Variants in TENT2 observed in about 807,000 individuals in gnomAD.
TENT2 encodes the protein terminal nucleotidyltransferase 2.
In TENT2, 44 loss-of-function variants were observed where a neutral mutation model predicts 72.2. That is an observed-to-expected ratio of 0.61 (90% CI 0.48 to 0.78). The LOEUF is 0.78. TENT2 is among the 30% of genes least tolerant of loss of function. The pLI is 0.00. For synonymous variants in TENT2, 212 were observed against 192.5 expected (o/e 1.10, Z -0.84); for missense variants, 541 against 569.6 (o/e 0.95, Z 0.51).
Position 79,656,194 on chromosome 5 carries a change from T to A in TENT2, c.1028-764T>A, listed in dbSNP as rs182545504. ...TATTGTGAATGTTAGGCACTTTACC[T>A]TTTTATATTGTTCTTTTCATATTAA... On this transcript the variant is annotated intron_variant, in intron 10 of 14. Transcript: ENST00000453514. Among the ~76,000 whole-genome samples the A allele has an allele frequency of 9.9e-5, 15 of 151,802 alleles. No homozygotes were observed. The East Asian group carries it at 2.5e-3, about 25-fold the overall frequency.
intron 11 of TENT2, among the ~76,000 whole-genome samples, chr5:79,659,840 A>G (rs2150387090): frequency 6.6e-6 from 1 of 151,464 alleles, no homozygotes; most frequent in Admixed American, 6.6e-5. Context: ...TCTGTTGCTT[A>G]TTACATTTTA....
chr5:79,652,382 A>G (rs1236926607), intron 10 of TENT2, among the ~76,000 whole-genome samples: 1 of 152,020 alleles, frequency 6.6e-6, no homozygotes, highest in Admixed American at 6.6e-5. Flanking sequence ...AAAGATAATA[A>G]CTGTGTATAT....
chr5:79,638,090 G>A (rs1781627072), intron 4 of TENT2, among the ~76,000 whole-genome samples: 1 of 152,088 alleles, frequency 6.6e-6, no homozygotes, highest in Non-Finnish European at 1.5e-5. Context: ...GAGCCACCAC[G>A]CCCAGCCTTC....
chr5:79,648,779 T>G, intron 9 of TENT2, 86 bp downstream of exon 9: 1 of 1,026,550 alleles, frequency 9.7e-7, no homozygotes. Flanking sequence ...TGACATCTCT[T>G]TAGTTGTGTT....
At chr5:79,663,648 G>T (rs1406308705) in intron 11 of TENT2, among the ~76,000 whole-genome samples, 1 of 152,120 alleles carries the variant, frequency 6.6e-6, no homozygotes, top group Non-Finnish European at 1.5e-5. Flanking sequence ...ACCATTTGTG[G>T]CACTCCAAAA....
chr5:79,618,594 G>GTTT (rs565501903), intron 1 of TENT2, among the ~76,000 whole-genome samples: 1 of 149,024 alleles, frequency 6.7e-6, no homozygotes, highest in South Asian at 2.1e-4. Flanking sequence ...ATTAATCTGA[G>GTTT]TTTTTTTTTT....
intron 4 of TENT2, among the ~76,000 whole-genome samples, chr5:79,630,150 A>T (rs898414503): frequency 4.6e-5 from 7 of 152,090 alleles, no homozygotes; most frequent in Admixed American, 3.9e-4. Flanking sequence ...TACAAAAATT[A>T]AAAAAATGCA....
At chr5:79,684,277 C>T (rs1318685589) in intron 14 of TENT2, among the ~76,000 whole-genome samples, 1 of 152,172 alleles carries the variant, frequency 6.6e-6, no homozygotes, top group Non-Finnish European at 1.5e-5. Flanking sequence ...TTACTCTCTC[C>T]TTCATAAATA....
intron 14 of TENT2, among the ~76,000 whole-genome samples, chr5:79,684,750 TATTAATGA>T (rs1435189397): frequency 6.6e-6 from 1 of 152,272 alleles, no homozygotes; most frequent in Non-Finnish European, 1.5e-5. Flanking sequence ...CCCATTTCTT[TATTAATGA>T]ATTGGAACCA....
intron 1 of TENT2, chr5:79,614,224 T>A (rs1027811913): frequency 6.7e-6 from 1 of 148,974 alleles, no homozygotes; most frequent in African/African-American, 2.5e-5. Context: ...TGCCTCAGCC[T>A]GCCGAGTAGC....
At chr5:79,616,242 A>G (rs1192723754) in intron 1 of TENT2, among the ~76,000 whole-genome samples, 1 of 116,078 alleles carries the variant, frequency 8.6e-6, no homozygotes, top group African/African-American at 3.4e-5. Context: ...CTTGTTGCCC[A>G]GGCTGGAGTG....
intron 12 of TENT2, among the ~76,000 whole-genome samples, chr5:79,678,075 C>G (rs1034985275): frequency 1.3e-5 from 2 of 152,160 alleles, no homozygotes; most frequent in Admixed American, 1.3e-4. Flanking sequence ...TTTCCTGTAA[C>G]CAATACTATT....
intron 3 of TENT2, among the ~76,000 whole-genome samples, chr5:79,620,821 C>T (rs1003048816): frequency 7.2e-5 from 11 of 152,052 alleles, no homozygotes; most frequent in Non-Finnish European, 1.3e-4. Context: ...TTATGTTTTT[C>T]TTTTGATTTA....
intron 11 of TENT2, among the ~76,000 whole-genome samples, chr5:79,665,002 C>T (rs1351974700): frequency 6.6e-6 from 1 of 152,120 alleles, no homozygotes; most frequent in Non-Finnish European, 1.5e-5. Flanking sequence ...ACCTTGATCT[C>T]ACAACTTGTA....
rs1331145043 is a variant in TENT2, at chr5:79,686,884, T to C, written c.*1611T>C. On this transcript the variant is annotated 3_prime_UTR_variant, in exon 15 of 15. Transcript: ENST00000453514. Reference sequence around the variant, plus strand: ...TTGGGGGGGAATTTTTCCTAAAATTTACACTGTGCATCTCTTAATCAGAAT... The same window carrying C: ...TTGGGGGGGAATTTTTCCTAAAATTCACACTGTGCATCTCTTAATCAGAAT... 6.6e-6 allele frequency among the ~76,000 whole-genome samples: 1 copy of C among 152,206 alleles called. No individual in the cohort carries two copies. The highest frequency in any genetic ancestry group is 1.5e-5 in the Non-Finnish European group (1 of 68,018).
At chr5:79,642,975 A>G (rs1032388239) in intron 7 of TENT2, 65 bp downstream of exon 7, 6 of 1,578,186 alleles carry the variant, frequency 3.8e-6, no homozygotes, top group South Asian at 2.3e-5. Flanking sequence ...TGCCTCTTAC[A>G]TTATCTTCTG....
At chr5:79,614,434 A>G (rs1757932719) in intron 1 of TENT2, among the ~76,000 whole-genome samples, 1 of 152,146 alleles carries the variant, frequency 6.6e-6, no homozygotes, top group Admixed American at 6.5e-5. Flanking sequence ...ACCTTGTCTC[A>G]TGTAAACCTG....
intron 10 of TENT2, among the ~76,000 whole-genome samples, chr5:79,653,735 G>A (rs990475358): frequency 6.6e-6 from 1 of 152,120 alleles, no homozygotes; most frequent in African/African-American, 2.4e-5. Flanking sequence ...GAAATGAGAT[G>A]ATTAAAATAG....
chr5:79,642,315 A>G (rs1353841564), intron 6 of TENT2, among the ~76,000 whole-genome samples: 2 of 152,060 alleles, frequency 1.3e-5, no homozygotes, highest in Non-Finnish European at 1.5e-5. Context: ...AACTCACATT[A>G]TAAACAGTGG....
Sources: gnomAD v4.1 joint callset for allele counts (sites outside exome capture counted in the v4.1 genomes callset) on GRCh38, gnomAD v4.1.1 for gene constraint, MANE v1.5 for transcripts, NCBI Gene and HGNC (gene_info 2026-07-23, HGNC 2026-07-21) for gene names.